Variants in IL4R observed in about 807,000 individuals in gnomAD.
The protein encoded by IL4R is interleukin 4 receptor.
Under a neutral mutation model 41.5 loss-of-function variants are expected in IL4R, and 17 were observed. The observed-to-expected ratio is 0.41, with a 90% CI of 0.28 to 0.61. The LOEUF is 0.61. Ranked by LOEUF, IL4R falls within the 20% of genes least tolerant of loss-of-function variation. The pLI, the probability that IL4R is intolerant of heterozygous loss-of-function variation, is 0.31. For synonymous variants in IL4R, 402 were observed against 422.9 expected, an observed-to-expected ratio of 0.95 and a Z score of 0.61; for missense variants, 974 against 1,043.1, an observed-to-expected ratio of 0.93 and a Z score of 0.91.
At chr16:27,316,059 A>G (rs915195271) in intron 1 of IL4R, among the ~76,000 whole-genome samples, 11 of 152,186 alleles carry the variant, frequency 7.2e-5, no homozygotes, top group African/African-American at 2.7e-4. Context: ...TTCAAAAAGG[A>G]GCTGAAATGA....
chr16:27,357,956 C>T (rs1358824472), intron 8 of IL4R, among the ~76,000 whole-genome samples: 15 of 150,546 alleles, frequency 1.0e-4, no homozygotes, highest in African/African-American at 2.7e-4. Context: ...TGCAGTGGCG[C>T]GATCTCAGCT....
At position 27,362,628 on chromosome 16, in the gene IL4R, G is replaced by T; in HGVS notation, c.1276G>T (p.Asp426Tyr). ...GGAGAATGGGGGCTTTTGCCAGCAGGACATGGGGGAGTCATGCCTTCTTCC... is the reference window on the plus strand; with the variant it reads ...GGAGAATGGGGGCTTTTGCCAGCAGTACATGGGGGAGTCATGCCTTCTTCC... The part of the protein sequence containing the change: ...GEENGGFCQQ[D>Y]MGESCLLPPS... Residue 426 changes from aspartate (D) to tyrosine (Y), a missense_variant, in exon 11 of 11, where the codon GAC (aspartate) becomes TAC (tyrosine). By Grantham distance (160) the Asp-to-Tyr change is radical. Transcript: ENST00000395762. 1 of 1,614,140 alleles carries T rather than the reference G, an allele frequency of 6.2e-7. No individual in the cohort carries two copies. The highest frequency in any genetic ancestry group is 8.5e-7 in the Non-Finnish European group (1 of 1,180,004).
chr16:27,327,466 C>T (rs1259693406), intron 1 of IL4R, among the ~76,000 whole-genome samples: 1 of 152,136 alleles, frequency 6.6e-6, no homozygotes, highest in East Asian at 1.9e-4. Context: ...TGGTGGCGGG[C>T]GTGTTTTCCC....
intron 1 of IL4R, among the ~76,000 whole-genome samples, chr16:27,327,054 C>T (rs1471286252): frequency 3.9e-5 from 6 of 152,176 alleles, no homozygotes. Flanking sequence ...TTATAAGTAG[C>T]ATGACTAACT....
intron 1 of IL4R, among the ~76,000 whole-genome samples, chr16:27,329,654 G>A (rs1056909479): frequency 1.3e-4 from 19 of 147,940 alleles, no homozygotes; most frequent in Admixed American, 6.7e-5. Flanking sequence ...TCCAGCTTGG[G>A]GAACAGAGCA....
Position 27,363,622 on chromosome 16 carries a change from C to T in IL4R, c.2270C>T (p.Thr757Ile), listed in dbSNP as rs777178990. The change falls in exon 11 of 11, where the codon ACC (threonine) becomes ATC (isoleucine). Residue 757 changes from threonine (T) to isoleucine (I), a missense_variant. By Grantham distance (89) the Thr-to-Ile change is moderately conservative (BLOSUM62 -1). This residue lies in a region of IL4R where 682 missense variants were observed against 704.3 expected (regional missense o/e 0.97). Coordinates refer to ENST00000395762, the MANE Select transcript of IL4R (RefSeq NM_000418.4). ...GGAGACAGGTCCTCGCCCCCTACAA[C>T]CCCCCTGAGGGCCCCAGACCCCTCT... ...CCGDRSSPPT[T>I]PLRAPDPSPG... 7 of 1,613,286 alleles carry T rather than the reference C, an allele frequency of 4.3e-6. No homozygotes were observed. In the South Asian group the frequency reaches 4.4e-5, roughly 10 times the overall value.
intron 1 of IL4R, among the ~76,000 whole-genome samples, chr16:27,327,974 G>A (rs1567308721): frequency 6.6e-6 from 1 of 151,960 alleles, no homozygotes; most frequent in Non-Finnish European, 1.5e-5. Flanking sequence ...CACTATGGGA[G>A]GCTGAGGCAG....
intron 7 of IL4R, among the ~76,000 whole-genome samples, chr16:27,354,480 C>A (rs2085988148): frequency 6.6e-6 from 1 of 152,216 alleles, no homozygotes. Flanking sequence ...ATTCCCCTTA[C>A]ATCTCATTGG....
At chr16:27,362,023 T>C (rs901293558) in intron 10 of IL4R, among the ~76,000 whole-genome samples, 15 of 152,180 alleles carry the variant, frequency 9.9e-5, no homozygotes, top group Admixed American at 3.9e-4. Flanking sequence ...AGCTTGTATT[T>C]GGTGCCCAGG....
At chr16:27,323,814 C>T (rs1045020492) in intron 1 of IL4R, among the ~76,000 whole-genome samples, 5 of 152,114 alleles carry the variant, frequency 3.3e-5, no homozygotes, top group Non-Finnish European at 5.9e-5. Context: ...TGCCACCATG[C>T]CTGGCAATTT....
intron 7 of IL4R, chr16:27,355,228 T>G: frequency 1.7e-5 from 5 of 291,420 alleles, no homozygotes; most frequent in South Asian, 5.6e-5. Flanking sequence ...AGGAAGGGGA[T>G]GGAGCGATGG....
At chr16:27,330,381 C>CA (rs1214704675) in intron 2 of IL4R, among the ~76,000 whole-genome samples, 183 bp downstream of exon 2, 1 of 114,892 alleles carries the variant, frequency 8.7e-6, no homozygotes, top group Non-Finnish European at 1.8e-5. Context: ...AGTGAGACTC[C>CA]ATCTCAAAAA....
At position 27,363,019 on chromosome 16, in the gene IL4R, G is replaced by A. The variant is rs201672347; in HGVS notation, c.1667G>A (p.Arg556Gln). 1,081 of 1,614,140 alleles carry A rather than the reference G, an allele frequency of 6.7e-4. 8 individuals are homozygous for A. The highest frequency in any genetic ancestry group is 8.9e-5 in the East Asian group (4 of 44,892). ...GAAACCTGGGAGCAGATCCTCCGCC[G>A]AAATGTCCTCCAGCATGGGGCAGCT... ...EPETWEQILR[R>Q]NVLQHGAAAA... Residue 556 changes from arginine to glutamine, a missense_variant, in exon 11 of 11, where the codon CGA (arginine) becomes CAA (glutamine). Coordinates refer to ENST00000395762, the MANE Select transcript of IL4R (RefSeq NM_000418.4).
intron 6 of IL4R, among the ~76,000 whole-genome samples, 198 bp from the exon 7 acceptor site, chr16:27,352,342 C>T (rs1471464621): frequency 2.6e-5 from 4 of 152,146 alleles, no homozygotes; most frequent in East Asian, 1.9e-4. Context: ...GCTAATTAGT[C>T]GAGGAGCCTG....
intron 1 of IL4R, among the ~76,000 whole-genome samples, chr16:27,314,884 C>T (rs2084592180): frequency 6.6e-6 from 1 of 152,198 alleles, no homozygotes; most frequent in African/African-American, 2.4e-5. Flanking sequence ...GATGGTGTCT[C>T]ACTATGTTGT....
chr16:27,344,822 C>T, intron 4 of IL4R, 47 bp from the exon 5 acceptor site: 4 of 1,602,224 alleles, frequency 2.5e-6, no homozygotes, highest in Non-Finnish European at 3.4e-6. Context: ...CTGTGGGGCC[C>T]AGCCAGCCTA....
chr16:27,320,209 G>T (rs1275223464), intron 1 of IL4R, among the ~76,000 whole-genome samples: 2 of 152,182 alleles, frequency 1.3e-5, no homozygotes, highest in Non-Finnish European at 2.9e-5. Flanking sequence ...CTGATGATCT[G>T]TCACTGTCTC....
chr16:27,319,102 A>G (rs2084734244), intron 1 of IL4R, among the ~76,000 whole-genome samples: 1 of 152,116 alleles, frequency 6.6e-6, no homozygotes. Context: ...CTGGGGAAAG[A>G]GTGATCCTGG....
chr16:27,344,790 TG>T, intron 4 of IL4R, 78 bp from the exon 5 acceptor site: 1 of 1,409,070 alleles, frequency 7.1e-7, no homozygotes, highest in Non-Finnish European at 9.9e-7. Context: ...ATGCGGTTCC[TG>T]GAGGCATGTC....
Sources: allele counts gnomAD v4.1 joint callset (sites outside exome capture counted in the v4.1 genomes callset), GRCh38; gene constraint gnomAD v4.1.1; regional missense constraint gnomAD v4.1.1; transcripts MANE v1.5; gene names NCBI Gene and HGNC (gene_info 2026-07-23, HGNC 2026-07-21).